STARD9: variants seen among roughly 807,000 people sequenced by gnomAD.
STARD9 encodes the protein stAR-related lipid transfer protein 9.
Under a neutral mutation model 399.8 loss-of-function variants are expected in STARD9, and 346 were observed. The ratio of observed to expected loss-of-function variants is 0.87; its 90% CI spans 0.79 to 0.95. STARD9 has a LOEUF of 0.95. Ranked by LOEUF, STARD9 falls within the 40% of genes least tolerant of loss-of-function variation. The probability of loss-of-function intolerance (pLI) is 0.00; values close to 1 mark genes in which losing one functional copy is unlikely to be tolerated. For synonymous variants in STARD9, 2,203 were observed against 2,143.5 expected (o/e 1.03, Z -0.77); for missense variants, 5,832 against 5,667.5 (o/e 1.03, Z -0.93).
chr15:42,679,220 A>C (rs931646937), intron 20 of STARD9, among the ~76,000 whole-genome samples: 3 of 152,236 alleles, frequency 2.0e-5, no homozygotes, highest in African/African-American at 7.2e-5. Flanking sequence ...CTATAGTCAG[A>C]CAAAATTTGG....
intron 10 of STARD9, among the ~76,000 whole-genome samples, chr15:42,661,995 T>TA (rs956111684): frequency 7.3e-5 from 11 of 151,592 alleles, no homozygotes; most frequent in African/African-American, 1.7e-4. Context: ...GTTCTTTACT[T>TA]AAAAAAAAAG....
chr15:42,693,117 C>T lies in STARD9; in HGVS notation c.11539C>T (p.Gln3847Ter), dbSNP rs2060753667. The T allele has an allele frequency of 6.5e-7, 1 of 1,537,236 alleles. No individual in the cohort carries two copies. Among genetic ancestry groups the T allele is most frequent in the Non-Finnish European group, 8.7e-7 (1 of 1,146,902 alleles). ...TGATGCTTTCCTGCCTCCCAGCTCC[C>T]AGCCAGAGGAGTCATATTGCTTAGT... ...VSDAFLPPSS[Q>*]PEESYCLVVS... The change falls in exon 23 of 33, where the codon CAG becomes TAG. Residue 3847 changes from glutamine (Q) to a stop codon, truncating the protein, a stop_gained. Transcript: ENST00000290607. LOFTEE classifies it high-confidence loss of function.
chr15:42,653,734 A>T (rs1196301572), intron 9 of STARD9, among the ~76,000 whole-genome samples: 2 of 152,198 alleles, frequency 1.3e-5, no homozygotes, highest in Non-Finnish European at 2.9e-5. Context: ...AGGCTGAAAG[A>T]AAGTGATATT....
At chr15:42,710,785 T>A (rs1202833045) in intron 26 of STARD9, among the ~76,000 whole-genome samples, 1 of 152,184 alleles carries the variant, frequency 6.6e-6, no homozygotes, top group East Asian at 1.9e-4. Flanking sequence ...GAGAAGGATC[T>A]GCTCCAAGCC....
At chr15:42,605,497 C>A (rs2058708432) in intron 3 of STARD9, among the ~76,000 whole-genome samples, 1 of 152,136 alleles carries the variant, frequency 6.6e-6, no homozygotes, top group South Asian at 2.1e-4. Flanking sequence ...TGCACTTAAG[C>A]CCATAAGATC....
At chr15:42,681,786 G>A (rs1391202068) in intron 21 of STARD9, among the ~76,000 whole-genome samples, 174 bp downstream of exon 21, 1 of 152,156 alleles carries the variant, frequency 6.6e-6, no homozygotes, top group Non-Finnish European at 1.5e-5. Context: ...AGGGCTGGAA[G>A]CAAGAATAAG....
chr15:42,618,809 T>G (rs1448234782), intron 3 of STARD9, among the ~76,000 whole-genome samples: 2 of 150,590 alleles, frequency 1.3e-5, no homozygotes, highest in African/African-American at 5.0e-5. Flanking sequence ...CTTGACCTTG[T>G]GATCCACCTG....
At chr15:42,629,374 T>C (rs1475707275) in intron 3 of STARD9, among the ~76,000 whole-genome samples, 1 of 152,214 alleles carries the variant, frequency 6.6e-6, no homozygotes, top group Non-Finnish European at 1.5e-5. Context: ...CTAGGTATCT[T>C]ATTTGTAGCT....
At chr15:42,665,442 C>T (rs999049405) in intron 14 of STARD9, 112 bp downstream of exon 14, 2 of 841,160 alleles carry the variant, frequency 2.4e-6, no homozygotes, top group Admixed American at 2.4e-5. Context: ...AATTGACTCT[C>T]TTACGGCAGA....
chr15:42,649,858 T>C (rs1477092043), intron 7 of STARD9, among the ~76,000 whole-genome samples: 1 of 143,276 alleles, frequency 7.0e-6, no homozygotes, highest in East Asian at 2.1e-4. Flanking sequence ...GCACCGAGCC[T>C]GGCCTTTTTT....
chr15:42,660,735 G>C (rs563048011), intron 9 of STARD9, among the ~76,000 whole-genome samples: 16 of 152,288 alleles, frequency 1.1e-4, no homozygotes, highest in Non-Finnish European at 2.4e-4. Flanking sequence ...ACCCTGGCAA[G>C]TTAAGGTGCT....
chr15:42,612,044 C>T (rs762605052), intron 3 of STARD9, among the ~76,000 whole-genome samples: 3 of 152,224 alleles, frequency 2.0e-5, no homozygotes, highest in Non-Finnish European at 4.4e-5. Flanking sequence ...TCATGGCTCA[C>T]TGCAGCCTCA....
chr15:42,719,955 G>A lies in STARD9; in HGVS notation c.*381G>A, dbSNP rs533707295. 1.4e-4 allele frequency: 25 copies of A among 176,280 alleles called. No homozygotes were observed. The highest frequency in any genetic ancestry group is 4.9e-4 in the East Asian group (3 of 6,122). 10.9% of individuals were successfully genotyped at this position (176,280 alleles called of 1,614,324 possible). ...TGCAGTGCTTTGGCAAGGTGCTTCC[G>A]CAGGCTGGTAGGGAAGCAGGCAGCC... On this transcript the variant is annotated 3_prime_UTR_variant, in exon 33 of 33. Coordinates refer to ENST00000290607, the MANE Select transcript of STARD9 (RefSeq NM_020759.3).
chr15:42,661,299 C>A, intron 10 of STARD9, 74 bp downstream of exon 10: 1 of 1,022,030 alleles, frequency 9.8e-7, no homozygotes, highest in Non-Finnish European at 1.5e-6. Flanking sequence ...CTGTTCCAAT[C>A]TTTTTCACAT....
chr15:42,576,845 TAGAA>T (rs1285078978), intron 1 of STARD9, among the ~76,000 whole-genome samples: 3 of 152,078 alleles, frequency 2.0e-5, no homozygotes, highest in African/African-American at 4.8e-5. Context: ...AGCAATGAGA[TAGAA>T]AGAAACAAAA....
intron 3 of STARD9, among the ~76,000 whole-genome samples, chr15:42,595,072 C>A (rs2058476498): frequency 6.6e-6 from 1 of 152,052 alleles, no homozygotes; most frequent in East Asian, 1.9e-4. Context: ...TTCTTTTATG[C>A]CTTACTTTTC....
chr15:42,694,131 C>A lies in STARD9; in HGVS notation c.12553C>A (p.His4185Asn). 1 of 1,536,694 alleles carries A rather than the reference C, an allele frequency of 6.5e-7. No individual in the cohort carries two copies. The highest frequency in any genetic ancestry group is 1.2e-5 in the South Asian group (1 of 83,962). ...GAGTCCCCCACAACCTCCTAATGAC[C>A]ACAGCCAGGATTCTGAGTGGTCCAA... is the stretch of plus-strand genomic sequence containing the variant. ...EQSPPQPPND[H>N]SQDSEWSKRE... The change falls in exon 23 of 33, where the codon CAC becomes AAC. Residue 4185 changes from histidine to asparagine, a missense_variant. Physicochemically the swap from His to Asn is moderately conservative, Grantham distance 68. Coordinates refer to ENST00000290607, the MANE Select transcript of STARD9 (RefSeq NM_020759.3).
At position 42,595,719 on chromosome 15, in the gene STARD9, G is replaced by T. The variant is rs1012289991; in HGVS notation, c.234+10082G>T. Among the ~76,000 whole-genome samples, 75 of 152,120 alleles carry T rather than the reference G, an allele frequency of 4.9e-4. 2 individuals carry two copies. Among genetic ancestry groups the T allele is most frequent in the Non-Finnish European group, 1.0e-4 (7 of 68,002 alleles). ...TTTGTACATTCCATCACTAGTGCTG[G>T]TTTTTTTCCAACCAAGATGGAGACA... On this transcript the variant is annotated intron_variant, in intron 3 of 32. Coordinates refer to ENST00000290607, the MANE Select transcript of STARD9 (RefSeq NM_020759.3).
At chr15:42,603,073 TA>T (rs1480561389) in intron 3 of STARD9, among the ~76,000 whole-genome samples, 1 of 152,220 alleles carries the variant, frequency 6.6e-6, no homozygotes, top group East Asian at 1.9e-4. Flanking sequence ...TTTTCCAGGA[TA>T]AAGTTTGAGG....
Sources: allele counts gnomAD v4.1 joint callset (sites outside exome capture counted in the v4.1 genomes callset), GRCh38; gene constraint gnomAD v4.1.1; transcripts MANE v1.5; gene names NCBI Gene and HGNC (gene_info 2026-07-23, HGNC 2026-07-21).